Variants in SLC7A10 observed in about 807,000 individuals in gnomAD.
SLC7A10 encodes the protein asc-type amino acid transporter 1.
In SLC7A10, 30 loss-of-function variants were observed where a neutral mutation model predicts 52.7. The observed-to-expected ratio is 0.57, with a 90% CI of 0.43 to 0.77. The LOEUF (loss-of-function observed/expected upper bound fraction) is 0.77, where lower values mean the gene tolerates loss of function less well. Among genes scored for constraint, SLC7A10 ranks in the 30% least tolerant of loss-of-function variants. The pLI, the probability that SLC7A10 is intolerant of heterozygous loss-of-function variation, is 0.00. For synonymous variants in SLC7A10, 318 were observed against 314.9 expected (o/e 1.01, Z -0.10); for missense variants, 581 against 698.5 (o/e 0.83, Z 1.90).
At position 33,208,819 on chromosome 19, in the gene SLC7A10, C is replaced by CT. The variant is rs1568386109; in HGVS notation, c.*71dup. On this transcript the variant is annotated 3_prime_UTR_variant, in exon 11 of 11. Transcript: ENST00000253188. The surrounding 1 kb of genome is among the most constrained non-coding windows in gnomAD (Gnocchi z 4.7). ...TTTTCCAGAAAAAAACAAAACAAAA[C>CT]TTTTTTGCCAAAACACCTCCTCAAT... The CT allele has an allele frequency of 6.4e-6, 10 of 1,574,458 alleles. No homozygotes were observed. Among genetic ancestry groups the CT allele is most frequent in the East Asian group, 2.4e-5 (1 of 42,478 alleles).
chr19:33,224,225 G>A (rs1274577740), intron 1 of SLC7A10, among the ~76,000 whole-genome samples: 3 of 152,132 alleles, frequency 2.0e-5, no homozygotes, highest in African/African-American at 7.2e-5. Context: ...GACAGTTCCT[G>A]GAGAGGGTGT....
At chr19:33,216,857 G>A (rs1568392944) in intron 1 of SLC7A10, among the ~76,000 whole-genome samples, 3 of 152,254 alleles carry the variant, frequency 2.0e-5, no homozygotes, top group Admixed American at 2.0e-4. Context: ...TGGGATTACA[G>A]GCATGAGTCA....
chr19:33,223,060 C>T (rs1974846718), intron 1 of SLC7A10, among the ~76,000 whole-genome samples: 1 of 152,052 alleles, frequency 6.6e-6, no homozygotes, highest in African/African-American at 2.4e-5. Flanking sequence ...GTAATCCCAG[C>T]ACTTTGGGAG....
chr19:33,218,372 C>T (rs569963244), intron 1 of SLC7A10, among the ~76,000 whole-genome samples: 35 of 152,326 alleles, frequency 2.3e-4, no homozygotes, highest in Non-Finnish European at 4.9e-4. Context: ...TCCCTTGTGG[C>T]TCAAAGGACC....
intron 2 of SLC7A10, among the ~76,000 whole-genome samples, chr19:33,215,267 C>CAAAA (rs56214783): frequency 8.6e-6 from 1 of 115,620 alleles, no homozygotes. Context: ...GACTCTGTCT[C>CAAAA]AAAAAAAAAA....
Position 33,210,757 on chromosome 19 carries a change from T to C in SLC7A10, c.1113+45A>G, listed in dbSNP as rs943395834. ...ACCCGGAAGGTCCTGCATTGCCGGG[T>C]AGCCCTGCCTCCACGCCCTGCCTGG... is the stretch of plus-strand genomic sequence containing the variant. On this transcript the variant is annotated intron_variant, in intron 8 of 10. Transcript: ENST00000253188. The surrounding 1 kb of genome is among the most constrained non-coding windows in gnomAD (Gnocchi z 5.6). The C allele has an allele frequency of 3.7e-6, 6 of 1,609,884 alleles. No individual in the cohort carries two copies. The South Asian group carries it at 6.6e-5, about 18-fold the overall frequency.
chr19:33,219,145 G>T lies in SLC7A10; in HGVS notation c.152-3172C>A, dbSNP rs138392482. 6.6e-3 allele frequency among the ~76,000 whole-genome samples: 1,009 copies of T among 152,182 alleles called. 10 individuals carry two copies. The highest frequency in any genetic ancestry group is 0.023 in the African/African-American group (962 of 41,516). ...GATGACAGCTCAGTGGTCCCTGCAG[G>T]TCCTCCGTGGGCCAGAGCTCCGGGC... is the stretch of plus-strand genomic sequence containing the variant. On this transcript the variant is annotated intron_variant, in intron 1 of 10. Coordinates refer to ENST00000253188, the MANE Select transcript of SLC7A10 (RefSeq NM_019849.3).
At chr19:33,215,655 C>T in intron 2 of SLC7A10, 114 bp downstream of exon 2, 2 of 1,014,828 alleles carry the variant, frequency 2.0e-6, no homozygotes, top group African/African-American at 1.8e-5. Flanking sequence ...TCTCCATCCA[C>T]CCCCACGACC....
chr19:33,213,540 G>A lies in SLC7A10; in HGVS notation c.357-538C>T, dbSNP rs1052905614. On this transcript the variant is annotated intron_variant, in intron 2 of 10. Coordinates refer to ENST00000253188, the MANE Select transcript of SLC7A10 (RefSeq NM_019849.3). Reference sequence around the variant, plus strand: ...CCTGACCTCGTGATCCACCCGCCTCGGCCTCCCAAAGTGTTGGGATTACAG... The same window carrying A: ...CCTGACCTCGTGATCCACCCGCCTCAGCCTCCCAAAGTGTTGGGATTACAG... 1.2e-4 allele frequency among the ~76,000 whole-genome samples: 18 copies of A among 152,204 alleles called. No homozygotes were observed. In the East Asian group the frequency reaches 1.6e-3, roughly 13 times the overall value.
At chr19:33,218,134 G>A (rs1974729216) in intron 1 of SLC7A10, among the ~76,000 whole-genome samples, 1 of 152,172 alleles carries the variant, frequency 6.6e-6, no homozygotes, top group Middle Eastern at 3.2e-3. Context: ...CACGCTGGGA[G>A]CATCCCAGGC....
intron 3 of SLC7A10, 55 bp from the exon 4 acceptor site, chr19:33,212,694 A>G: frequency 1.2e-6 from 2 of 1,612,808 alleles, no homozygotes; most frequent in South Asian, 1.1e-5. Flanking sequence ...ACAGTGGACC[A>G]TGGCCAAGTC....
chr19:33,216,350 A>C (rs558279227), intron 1 of SLC7A10, among the ~76,000 whole-genome samples: 1 of 152,140 alleles, frequency 6.6e-6, no homozygotes, highest in Non-Finnish European at 1.5e-5. Flanking sequence ...CAGGCACCCC[A>C]CAAGGCCCAT....
Position 33,208,888 on chromosome 19 carries a change from AT to A in SLC7A10, c.*2del. 2 of 1,600,936 alleles carry A rather than the reference AT, an allele frequency of 1.2e-6. No homozygotes were observed. The highest frequency in any genetic ancestry group is 1.7e-6 in the Non-Finnish European group (2 of 1,173,346). On this transcript the variant is annotated 3_prime_UTR_variant, in exon 11 of 11. Transcript: ENST00000253188. The surrounding 1 kb of genome is among the most constrained non-coding windows in gnomAD (Gnocchi z 4.7). Reference sequence around the variant, plus strand: ...AACAACTGCTTCAGTCTCTACAAAAATCTCATTGTGGCTTCGAGGGCTTGTC... The same window carrying A: ...AACAACTGCTTCAGTCTCTACAAAAACTCATTGTGGCTTCGAGGGCTTGTC...
chr19:33,219,472 G>A (rs901242723), intron 1 of SLC7A10, among the ~76,000 whole-genome samples: 1 of 152,126 alleles, frequency 6.6e-6, no homozygotes, highest in Non-Finnish European at 1.5e-5. Flanking sequence ...GTCTGATTTG[G>A]GGAGGGGGCA....
chr19:33,216,767 A>G (rs906254801), intron 1 of SLC7A10, among the ~76,000 whole-genome samples: 14 of 152,100 alleles, frequency 9.2e-5, no homozygotes, highest in African/African-American at 3.1e-4. Flanking sequence ...TTTAGTAGAG[A>G]TGGGGTTTCA....
At chr19:33,215,408 T>C (rs1017275598) in intron 2 of SLC7A10, among the ~76,000 whole-genome samples, 7 of 152,246 alleles carry the variant, frequency 4.6e-5, no homozygotes, top group African/African-American at 1.7e-4. Context: ...CCTAGGGTTT[T>C]CAGACAGTAA....
chr19:33,225,760 C>T lies in SLC7A10; in HGVS notation c.-57G>A. The T allele has an allele frequency of 1.4e-6, 2 of 1,446,968 alleles. No homozygotes were observed. The highest frequency in any genetic ancestry group is 1.8e-6 in the Non-Finnish European group (2 of 1,106,214). 89.6% of individuals were successfully genotyped at this position (1,446,968 alleles called of 1,614,324 possible). On this transcript the variant is annotated 5_prime_UTR_variant, in exon 1 of 11. Transcript: ENST00000253188. ...GCTGCCCCGTCTGTCCGGCCGGCCG[C>T]CCGTCGGTCCGTCGGTCCGTGAGCT...
In SLC7A10 at chr19:33,211,338, C is replaced by T. The variant is rs1236441789; in HGVS notation, c.913-10G>A. On this transcript the variant is annotated splice_polypyrimidine_tract_variant and intron_variant, in intron 6 of 10. Transcript: ENST00000253188. Reference sequence around the variant, plus strand: ...GCTTCTCCCCGAAGGTCTGGGTGGGCACAGTAGAGAGGCCATGTGTAAGGC... The same window carrying T: ...GCTTCTCCCCGAAGGTCTGGGTGGGTACAGTAGAGAGGCCATGTGTAAGGC... 16 of 1,613,816 alleles carry T rather than the reference C, an allele frequency of 9.9e-6. No individual in the cohort carries two copies. Among genetic ancestry groups the T allele is most frequent in the Middle Eastern group, 1.6e-4 (1 of 6,084 alleles).
At chr19:33,209,134 C>T (rs370749181) in intron 10 of SLC7A10, 113 bp from the exon 11 acceptor site, 110 of 1,561,680 alleles carry the variant, frequency 7.0e-5, no homozygotes, top group Non-Finnish European at 8.9e-5. Flanking sequence ...CGTCGGTACC[C>T]GTGGTTCTGG....
Sources: allele counts gnomAD v4.1 joint callset (sites outside exome capture counted in the v4.1 genomes callset), GRCh38; gene constraint gnomAD v4.1.1; non-coding constraint Gnocchi (gnomAD v3.1); transcripts MANE v1.5; gene names NCBI Gene and HGNC (gene_info 2026-07-23, HGNC 2026-07-21).